Variants in BTBD9 observed in about 807,000 individuals in gnomAD.
BTBD9 encodes the protein BTB domain containing 9.
A neutral mutation model predicts 64.3 loss-of-function variants in BTBD9; 49 were observed. That is an observed-to-expected ratio of 0.76 (90% CI 0.61 to 0.97). The LOEUF (loss-of-function observed/expected upper bound fraction) is 0.97. Among genes scored for constraint, BTBD9 ranks in the 50% least tolerant of loss-of-function variants. The probability of loss-of-function intolerance (pLI) is 0.00; values close to 1 mark genes in which losing one functional copy is unlikely to be tolerated. For missense variants in BTBD9, 598 were observed against 762.1 expected, an observed-to-expected ratio of 0.78 and a Z score of 2.53; for synonymous variants, 260 against 274.7, an observed-to-expected ratio of 0.95 and a Z score of 0.53.
chr6:38,368,887 T>A (rs1765299693), intron 6 of BTBD9, among the ~76,000 whole-genome samples: 1 of 152,146 alleles, frequency 6.6e-6, no homozygotes, highest in Non-Finnish European at 1.5e-5. Context: ...CACTAACCTC[T>A]GTTTCAGGCT....
At chr6:38,419,368 G>A (rs924255721) in intron 6 of BTBD9, among the ~76,000 whole-genome samples, 17 of 152,144 alleles carry the variant, frequency 1.1e-4, no homozygotes, top group African/African-American at 3.9e-4. Flanking sequence ...TTAAACAAGT[G>A]AGTTGTATGG....
intron 7 of BTBD9, among the ~76,000 whole-genome samples, chr6:38,338,054 T>TCTTGTG (rs1763961724): frequency 2.6e-5 from 4 of 152,292 alleles, no homozygotes; most frequent in African/African-American, 9.6e-5. Flanking sequence ...GCAACAGAGT[T>TCTTGTG]CTTGTGCTTC....
At chr6:38,281,355 C>G (rs1761509444) in intron 8 of BTBD9, among the ~76,000 whole-genome samples, 1 of 152,126 alleles carries the variant, frequency 6.6e-6, no homozygotes, top group Admixed American at 6.5e-5. Context: ...GACAATTGAA[C>G]TCGGCATGGG....
intron 4 of BTBD9, among the ~76,000 whole-genome samples, chr6:38,584,792 C>A (rs1239153994): frequency 1.3e-5 from 2 of 152,162 alleles, no homozygotes; most frequent in Admixed American, 6.5e-5. Flanking sequence ...ACTTTCTTGA[C>A]AATTCCTCAC....
At chr6:38,538,125 CAT>C (rs1264937862) in intron 6 of BTBD9, among the ~76,000 whole-genome samples, 2 of 152,190 alleles carry the variant, frequency 1.3e-5, no homozygotes, top group African/African-American at 2.4e-5. Flanking sequence ...ATCAGACCCA[CAT>C]GTTAGAATCC....
chr6:38,551,341 C>A (rs970079161), intron 6 of BTBD9, among the ~76,000 whole-genome samples: 1 of 152,132 alleles, frequency 6.6e-6, no homozygotes, highest in Non-Finnish European at 1.5e-5. Context: ...AGATACAGAA[C>A]AATGAACTAG....
Position 38,634,587 on chromosome 6 carries a change from G to A in BTBD9, c.-28+5213C>T, listed in dbSNP as rs182709318. ...TTGTTCCTTTTTTTTAAAAAAAAAGGGGGGGGAGAGGGCATCTAACACAAA... is the reference window on the plus strand; with the variant it reads ...TTGTTCCTTTTTTTTAAAAAAAAAGAGGGGGGAGAGGGCATCTAACACAAA... On this transcript the variant is annotated intron_variant, in intron 1 of 10. Transcript: ENST00000481247. 9.4e-4 allele frequency among the ~76,000 whole-genome samples: 143 copies of A among 151,786 alleles called. 1 individual carries two copies. The East Asian group carries it at 0.02, about 21-fold the overall frequency.
chr6:38,522,892 AAG>A (rs1335775456), intron 6 of BTBD9, among the ~76,000 whole-genome samples: 2 of 152,014 alleles, frequency 1.3e-5, no homozygotes, highest in African/African-American at 4.8e-5. Flanking sequence ...TGCTCAAAAA[AAG>A]AGTCAGGGCT....
chr6:38,241,300 G>A (rs1007583264), intron 9 of BTBD9, among the ~76,000 whole-genome samples: 1 of 152,138 alleles, frequency 6.6e-6, no homozygotes, highest in African/African-American at 2.4e-5. Context: ...TTTACACTAA[G>A]GCTCTGAGAA....
rs1249757882 is a variant in BTBD9, at chr6:38,375,560, AACCACAGTATGAAGGGTT to A, written c.1155-30485_1155-30468del. Among the ~76,000 whole-genome samples the A allele has an allele frequency of 7.9e-5, 12 of 152,180 alleles. 1 individual carries two copies. ...TCCACATTTTTGTCTATCACTTGCT[AACCACAGTATGAAGGGTT>A]ACCAGATATTTGAACTCTGACAACA... On this transcript the variant is annotated intron_variant, in intron 6 of 10. Transcript: ENST00000481247.
intron 7 of BTBD9, among the ~76,000 whole-genome samples, chr6:38,297,909 C>G (rs111694611): frequency 0.029 from 4,362 of 150,476 alleles, 201 homozygotes; most frequent in African/African-American, 0.1. Context: ...GGTGCTATCT[C>G]GGCTCACTGC....
At chr6:38,428,016 A>G (rs1768253518) in intron 6 of BTBD9, among the ~76,000 whole-genome samples, 1 of 151,914 alleles carries the variant, frequency 6.6e-6, no homozygotes, top group Non-Finnish European at 1.5e-5. Flanking sequence ...ACTTTTCTAT[A>G]TTTGCATAAA....
intron 9 of BTBD9, among the ~76,000 whole-genome samples, chr6:38,222,254 GTTGTTTTTTTTTT>G (rs1338054846): frequency 1.0e-5 from 1 of 96,702 alleles, no homozygotes; most frequent in Non-Finnish European, 1.9e-5. Context: ...AATTCATTCA[GTTGTTTTTTTTTT>G]TTTTTTTTTT....
chr6:38,571,364 G>A (rs181917864), intron 6 of BTBD9, among the ~76,000 whole-genome samples: 1 of 152,222 alleles, frequency 6.6e-6, no homozygotes, highest in African/African-American at 2.4e-5. Context: ...TAATATAGCA[G>A]GGAAAGAATG....
intron 6 of BTBD9, among the ~76,000 whole-genome samples, chr6:38,353,095 A>C (rs1280875974): frequency 1.3e-5 from 2 of 152,252 alleles, no homozygotes. Flanking sequence ...GGAATAAAAG[A>C]AGAGTCAAAC....
intron 6 of BTBD9, among the ~76,000 whole-genome samples, chr6:38,502,144 G>C (rs1173161197): frequency 6.6e-6 from 1 of 152,152 alleles, no homozygotes; most frequent in African/African-American, 2.4e-5. Context: ...TGTTGTAAAG[G>C]GGATTCAAAT....
intron 6 of BTBD9, among the ~76,000 whole-genome samples, chr6:38,458,091 T>A (rs1769903518): frequency 6.6e-6 from 1 of 152,254 alleles, no homozygotes; most frequent in Non-Finnish European, 1.5e-5. Flanking sequence ...GCAACTAGTC[T>A]CTCAAGCAAA....
chr6:38,591,270 CT>C (rs1045568404), intron 4 of BTBD9, among the ~76,000 whole-genome samples: 4 of 152,118 alleles, frequency 2.6e-5, no homozygotes, highest in Admixed American at 2.0e-4. Context: ...TTTATGGTCT[CT>C]TCAAATGCTC....
chr6:38,587,330 G>A (rs1776580366), intron 4 of BTBD9: 3 of 441,974 alleles, frequency 6.8e-6, no homozygotes, highest in Non-Finnish European at 9.0e-6. Context: ...ACCATGAACA[G>A]ACAGTTGGAC....
Sources: allele counts gnomAD v4.1 joint callset (sites outside exome capture counted in the v4.1 genomes callset), GRCh38; gene constraint gnomAD v4.1.1; transcripts MANE v1.5; gene names NCBI Gene and HGNC (gene_info 2026-07-23, HGNC 2026-07-21).